PDE10A: variants seen among roughly 807,000 people sequenced by gnomAD.
PDE10A encodes phosphodiesterase 10A.
PDE10A carries 39 observed loss-of-function variants against 97.7 expected under a neutral mutation model. The observed-to-expected ratio is 0.40, with a 90% CI of 0.31 to 0.52. The LOEUF (loss-of-function observed/expected upper bound fraction) is 0.52. Among genes scored for constraint, PDE10A ranks in the 20% least tolerant of loss-of-function variants. The pLI is 0.56. For missense variants in PDE10A, 731 were observed against 1,047.8 expected (o/e 0.70, Z 4.17); for synonymous variants, 371 against 376.8 (o/e 0.98, Z 0.18).
At chr6:165,724,807 A>C (rs765978721) in intron 1 of PDE10A, among the ~76,000 whole-genome samples, 2 of 152,100 alleles carry the variant, frequency 1.3e-5, no homozygotes, top group South Asian at 4.2e-4. Flanking sequence ...GAGTCGAGAG[A>C]CTCCTGACCA....
At chr6:165,501,012 A>G (rs1780842581) in intron 2 of PDE10A, among the ~76,000 whole-genome samples, 1 of 151,888 alleles carries the variant, frequency 6.6e-6, no homozygotes, top group African/African-American at 2.4e-5. Flanking sequence ...TCTCCCCACT[A>G]TTACCCTATT....
At chr6:165,760,024 G>A (rs369381332) in intron 1 of PDE10A, among the ~76,000 whole-genome samples, 4 of 152,226 alleles carry the variant, frequency 2.6e-5, no homozygotes, top group African/African-American at 9.6e-5. Context: ...TGTTAGTATC[G>A]CTTTTAAAAC....
At chr6:165,506,591 T>A (rs1025268424) in intron 2 of PDE10A, among the ~76,000 whole-genome samples, 1 of 152,138 alleles carries the variant, frequency 6.6e-6, no homozygotes, top group African/African-American at 2.4e-5. Context: ...AAAGAAAAAT[T>A]GTTCTTGAGA....
intron 1 of PDE10A, among the ~76,000 whole-genome samples, chr6:165,658,822 T>C (rs1032857233): frequency 1.3e-5 from 2 of 152,142 alleles, no homozygotes; most frequent in South Asian, 4.1e-4. Context: ...TAGAGGCAGA[T>C]GGCAGGAGAT....
intron 1 of PDE10A, among the ~76,000 whole-genome samples, chr6:165,639,594 C>A (rs1006966358): frequency 1.3e-5 from 2 of 151,896 alleles, no homozygotes; most frequent in African/African-American, 4.8e-5. Context: ...AAAAAATCAG[C>A]CAGGCATGGT....
chr6:165,385,523 T>C (rs1785246149), intron 17 of PDE10A, among the ~76,000 whole-genome samples: 1 of 152,158 alleles, frequency 6.6e-6, no homozygotes, highest in Admixed American at 6.5e-5. Context: ...TGACGGTGAG[T>C]TCCAGAGGAC....
chr6:165,516,500 C>T (rs1781816475), intron 2 of PDE10A, among the ~76,000 whole-genome samples: 1 of 152,142 alleles, frequency 6.6e-6, no homozygotes, highest in Non-Finnish European at 1.5e-5. Flanking sequence ...CTTTCTACTA[C>T]CATTGTACAT....
At position 165,819,692 on chromosome 6, in the gene PDE10A, T is replaced by G. The variant is rs1223101283; in HGVS notation, c.-615+167837A>C. 1.3e-5 allele frequency among the ~76,000 whole-genome samples: 2 copies of G among 152,210 alleles called. No individual in the cohort carries two copies. Among genetic ancestry groups the G allele is most frequent in the South Asian group, 2.1e-4 (1 of 4,826 alleles). The stretch of plus-strand genomic sequence containing the variant: ...AGGCTGTCAGTGTGCTGGATTTCAC[T>G]GACTGTGCACCACGTACTCCTCACC... On this transcript the variant is annotated intron_variant, in intron 1 of 19. Coordinates refer to the PDE10A transcript ENST00000366882. The surrounding 1 kb of genome is among the most constrained non-coding windows in gnomAD (Gnocchi z 4.2).
At chr6:165,973,413 C>CA (rs753759553) in intron 1 of PDE10A, among the ~76,000 whole-genome samples, 59 of 97,368 alleles carry the variant, frequency 6.1e-4, no homozygotes, top group African/African-American at 1.5e-3. Flanking sequence ...AATTCCGCCT[C>CA]AAAAAAAAAA....
At chr6:165,834,858 C>A (rs1780026270) in intron 1 of PDE10A, among the ~76,000 whole-genome samples, 1 of 152,226 alleles carries the variant, frequency 6.6e-6, no homozygotes, top group African/African-American at 2.4e-5. Context: ...CCAGTTCCTA[C>A]AAACTCCTAC....
chr6:165,753,407 G>C (rs966029770), intron 1 of PDE10A, among the ~76,000 whole-genome samples: 3 of 152,196 alleles, frequency 2.0e-5, no homozygotes, highest in Admixed American at 1.3e-4. Context: ...CCAGGACCAG[G>C]CTCCAACAAG....
chr6:165,594,072 C>A (rs956241518), intron 1 of PDE10A, among the ~76,000 whole-genome samples: 1 of 152,296 alleles, frequency 6.6e-6, no homozygotes, highest in South Asian at 2.1e-4. Context: ...AGCATTATAA[C>A]TCATCATTTA....
At chr6:165,393,620 G>C (rs1003608610) in intron 15 of PDE10A, among the ~76,000 whole-genome samples, 1 of 152,026 alleles carries the variant, frequency 6.6e-6, no homozygotes, top group African/African-American at 2.4e-5. Flanking sequence ...ATTCCAACTG[G>C]TCAAACTCTC....
intron 1 of PDE10A, among the ~76,000 whole-genome samples, chr6:165,800,713 A>G (rs1778960203): frequency 6.6e-6 from 1 of 152,232 alleles, no homozygotes; most frequent in Non-Finnish European, 1.5e-5. Context: ...CAAACCATCA[A>G]TCGATGGGCA....
Position 165,772,485 on chromosome 6 carries a change from G to A in PDE10A, c.-615+215044C>T, listed in dbSNP as rs552220797. Among the ~76,000 whole-genome samples the A allele has an allele frequency of 1.1e-4, 16 of 152,244 alleles. No individual in the cohort carries two copies. In the South Asian group the frequency reaches 3.3e-3, roughly 32 times the overall value. ...GGCGTCCTAGGGCCTCCGCGCTGTGGCCTTCTCTCCTCTCCTGTGTCCAGG... is the reference window on the plus strand; with the variant it reads ...GGCGTCCTAGGGCCTCCGCGCTGTGACCTTCTCTCCTCTCCTGTGTCCAGG... On this transcript the variant is annotated intron_variant, in intron 1 of 19. Coordinates refer to the PDE10A transcript ENST00000366882.
chr6:165,387,417 T>C (rs889093656), intron 17 of PDE10A, among the ~76,000 whole-genome samples: 2 of 152,052 alleles, frequency 1.3e-5, no homozygotes, highest in South Asian at 2.1e-4. Context: ...AGAGAAGCCT[T>C]TGGGAAACTG....
intron 1 of PDE10A, among the ~76,000 whole-genome samples, chr6:165,719,007 C>G (rs946499797): frequency 2.6e-5 from 4 of 151,796 alleles, no homozygotes; most frequent in African/African-American, 9.7e-5. Flanking sequence ...AAGTGAAGAA[C>G]AATATAGGGG....
At chr6:165,721,926 G>C (rs1792176829) in intron 1 of PDE10A, among the ~76,000 whole-genome samples, 1 of 152,234 alleles carries the variant, frequency 6.6e-6, no homozygotes, top group African/African-American at 2.4e-5. Context: ...TTACAGTCCC[G>C]CCACATCTAG....
intron 1 of PDE10A, among the ~76,000 whole-genome samples, chr6:165,882,802 G>A (rs1006546007): frequency 4.0e-5 from 6 of 149,858 alleles, no homozygotes; most frequent in African/African-American, 1.2e-4. Context: ...AACTCTGATC[G>A]TGGCTATGAA....
Sources: gnomAD v4.1 joint callset for allele counts (sites outside exome capture counted in the v4.1 genomes callset) on GRCh38, gnomAD v4.1.1 for gene constraint, Gnocchi (gnomAD v3.1) non-coding constraint, MANE v1.5 for transcripts, NCBI Gene and HGNC (gene_info 2026-07-23, HGNC 2026-07-21) for gene names.